The following LCP1 variants were observed in gnomAD, a reference collection of about 807,000 sequenced individuals.
The protein encoded by LCP1 is lymphocyte cytosolic protein 1, also known as plastin-2.
In LCP1, 23 loss-of-function variants were observed where a neutral mutation model predicts 72.0. That is an observed-to-expected ratio of 0.32 (90% CI 0.23 to 0.45). The LOEUF is 0.45. LCP1 is among the 20% of genes least tolerant of loss of function. LCP1 has a pLI of 1.00. For synonymous variants in LCP1, 245 were observed against 275.4 expected (o/e 0.89, Z 1.09); for missense variants, 571 against 748.3 (o/e 0.76, Z 2.76).
intron 13 of LCP1, among the ~76,000 whole-genome samples, chr13:46,140,336 T>C (rs1447868387): frequency 5.9e-5 from 9 of 152,148 alleles, no homozygotes; most frequent in Non-Finnish European, 1.3e-4. Flanking sequence ...GAGCAATCCT[T>C]GGGGCTCACA....
chr13:46,134,329 T>G, intron 13 of LCP1, 79 bp from the exon 14 acceptor site: 1 of 1,299,308 alleles, frequency 7.7e-7, no homozygotes, highest in Non-Finnish European at 1.1e-6. Flanking sequence ...AAGGATGGAA[T>G]TTTTTTTTCG....
chr13:46,138,092 T>G (rs1050759431), intron 13 of LCP1, among the ~76,000 whole-genome samples: 1 of 152,232 alleles, frequency 6.6e-6, no homozygotes, highest in Non-Finnish European at 1.5e-5. Context: ...GCTGGCAGCC[T>G]GCTTGCTTCA....
Position 46,158,960 on chromosome 13 carries a change from T to A in LCP1, c.94A>T (p.Asn32Tyr), listed in dbSNP as rs201872411. 1 of 1,614,122 alleles carries A rather than the reference T, an allele frequency of 6.2e-7. No individual in the cohort carries two copies. The highest frequency in any genetic ancestry group is 2.2e-5 in the East Asian group (1 of 44,878). The change falls in exon 3 of 16, where the codon AAT (asparagine) becomes TAT (tyrosine). Residue 32 changes from asparagine to tyrosine, a missense_variant. Transcript: ENST00000323076. Reference protein sequence around the residue: ...DTDGNGYISFNELNDLFKAAC... With the variant: ...DTDGNGYISFYELNDLFKAAC... ...GCCTTGAACAAGTCATTCAACTCAT[T>A]GAAGCTGATGTATCCATTGCCATCA...
At chr13:46,175,889 C>A (rs1222712736) in intron 1 of LCP1, among the ~76,000 whole-genome samples, 1 of 152,118 alleles carries the variant, frequency 6.6e-6, no homozygotes, top group South Asian at 2.1e-4. Context: ...TTTTTCCTTA[C>A]TCCCACTTTG....
At chr13:46,160,563 A>G (rs144958666) in intron 1 of LCP1, among the ~76,000 whole-genome samples, 28 of 152,224 alleles carry the variant, frequency 1.8e-4, no homozygotes, top group African/African-American at 6.3e-4. Context: ...TAATTCAGCT[A>G]TGGGAATCTG....
chr13:46,180,773 T>C (rs2045952312), intron 1 of LCP1, among the ~76,000 whole-genome samples: 2 of 152,240 alleles, frequency 1.3e-5, no homozygotes, highest in Non-Finnish European at 2.9e-5. Flanking sequence ...ATAAGAAAAA[T>C]ACTGACATTC....
chr13:46,166,039 G>A (rs1333138100), intron 1 of LCP1, among the ~76,000 whole-genome samples: 1 of 152,146 alleles, frequency 6.6e-6, no homozygotes, highest in East Asian at 1.9e-4. Flanking sequence ...TTGAGTTTCT[G>A]CTTAAAGGGT....
chr13:46,126,080 A>C lies in LCP1; in HGVS notation c.*1511T>G, dbSNP rs1181588415. The C allele has an allele frequency of 4.7e-6, 1 of 213,638 alleles. No individual in the cohort carries two copies. Among genetic ancestry groups the C allele is most frequent in the Non-Finnish European group, 9.5e-6 (1 of 105,668 alleles). The allele number at this position is 213,638 out of a possible 1,614,324, so 13.2% of individuals were successfully genotyped here. Reference sequence around the variant, plus strand: ...TCAAAACCAACCAATTTGTATTCAGAAGCAGCAAAAATACTGGTTATGGGC... The same window carrying C: ...TCAAAACCAACCAATTTGTATTCAGCAGCAGCAAAAATACTGGTTATGGGC... On this transcript the variant is annotated 3_prime_UTR_variant, in exon 16 of 16. Transcript: ENST00000323076.
intron 8 of LCP1, chr13:46,148,721 T>TA: frequency 5.0e-6 from 3 of 599,628 alleles, no homozygotes; most frequent in Non-Finnish European, 6.7e-6. Context: ...CTGTTGTCTT[T>TA]AGGGGAGAAA....
intron 1 of LCP1, among the ~76,000 whole-genome samples, chr13:46,166,320 G>C (rs1203546081): frequency 6.6e-6 from 1 of 152,184 alleles, no homozygotes; most frequent in Non-Finnish European, 1.5e-5. Context: ...TGCTCAAGGG[G>C]TGGAATCATT....
intron 1 of LCP1, among the ~76,000 whole-genome samples, chr13:46,174,545 G>C (rs1158205889): frequency 6.6e-6 from 1 of 152,102 alleles, no homozygotes; most frequent in Non-Finnish European, 1.5e-5. Context: ...CTTCCTGATA[G>C]AACATGTGGA....
chr13:46,170,535 G>A (rs1266682290), intron 1 of LCP1, among the ~76,000 whole-genome samples: 1 of 152,220 alleles, frequency 6.6e-6, no homozygotes, highest in Non-Finnish European at 1.5e-5. Context: ...GAACCTTGGA[G>A]ACAGAGCAGT....
chr13:46,146,795 G>T, intron 10 of LCP1, 113 bp downstream of exon 10: 1 of 1,015,730 alleles, frequency 9.8e-7, no homozygotes, highest in African/African-American at 1.6e-5. Flanking sequence ...GAGAATTAAT[G>T]GCCTGTTTGC....
At chr13:46,175,432 ATC>A (rs1262636308) in intron 1 of LCP1, among the ~76,000 whole-genome samples, 2 of 152,132 alleles carry the variant, frequency 1.3e-5, no homozygotes, top group East Asian at 3.8e-4. Context: ...ATAAATCCAA[ATC>A]TGTCTCTACC....
At chr13:46,134,349 T>C in intron 13 of LCP1, 99 bp from the exon 14 acceptor site, 1 of 1,050,944 alleles carries the variant, frequency 9.5e-7, no homozygotes, top group Non-Finnish European at 1.4e-6. Flanking sequence ...GGGTATGTCA[T>C]AGAAGACAGT....
intron 13 of LCP1, among the ~76,000 whole-genome samples, chr13:46,139,952 TG>T (rs1316690957): frequency 6.6e-6 from 1 of 152,204 alleles, no homozygotes; most frequent in Non-Finnish European, 1.5e-5. Flanking sequence ...GAAACAATGT[TG>T]TTCAGACATC....
Position 46,158,847 on chromosome 13 carries a change from G to T in LCP1, c.207C>A (p.Ile69=). ...ATGDLDQDGR[I]SFDEFIKIFH... ...TCACCTTGATAAACTCATCAAAGCT[G>T]ATCCTTCCATCTTGGTCCAGATCAC... Residue 69 remains isoleucine, a synonymous_variant, in exon 3 of 16, where the codon ATC becomes ATA. Transcript: ENST00000323076. 6.2e-7 allele frequency: 1 copy of T among 1,614,120 alleles called. No homozygotes were observed. The highest frequency in any genetic ancestry group is 1.1e-5 in the South Asian group (1 of 91,070).
At chr13:46,131,040 T>A in intron 14 of LCP1, 102 bp from the exon 15 acceptor site, 1 of 1,171,764 alleles carries the variant, frequency 8.5e-7, no homozygotes, top group South Asian at 1.8e-5. Context: ...ATATAATATA[T>A]ACAGCCTGGT....
chr13:46,176,549 T>C (rs1167242171), intron 1 of LCP1, among the ~76,000 whole-genome samples: 1 of 152,214 alleles, frequency 6.6e-6, no homozygotes, highest in Non-Finnish European at 1.5e-5. Flanking sequence ...AACATTTGTG[T>C]ATCCTTTTAC....
Sources: gnomAD v4.1 joint callset for allele counts (sites outside exome capture counted in the v4.1 genomes callset) on GRCh38, gnomAD v4.1.1 for gene constraint, MANE v1.5 for transcripts, NCBI Gene and HGNC (gene_info 2026-07-23, HGNC 2026-07-21) for gene names.